Variants in SPOCK3 observed in about 807,000 individuals in gnomAD.
The protein encoded by SPOCK3 is testican-3.
In SPOCK3, 30 loss-of-function variants were observed where a neutral mutation model predicts 56.6. The ratio of observed to expected loss-of-function variants is 0.53; its 90% CI spans 0.40 to 0.72. SPOCK3 has a LOEUF of 0.72. SPOCK3 is among the 30% of genes least tolerant of loss of function. The pLI is 0.00. For synonymous variants in SPOCK3, 196 were observed against 183.3 expected (o/e 1.07, Z -0.56); for missense variants, 527 against 530.0 (o/e 0.99, Z 0.06).
intron 3 of SPOCK3, among the ~76,000 whole-genome samples, chr4:167,057,679 A>C (rs1360595662): frequency 6.6e-5 from 10 of 152,218 alleles, no homozygotes; most frequent in Non-Finnish European, 1.3e-4. Flanking sequence ...AAAGATCAAA[A>C]GAGACAAAGA....
chr4:167,205,350 T>TATAA (rs1561321538), intron 2 of SPOCK3, among the ~76,000 whole-genome samples: 1 of 42,546 alleles, frequency 2.4e-5, no homozygotes, highest in African/African-American at 1.1e-4. Context: ...ATTATATATA[T>TATAA]AATATATATA....
At chr4:166,983,447 C>A (rs533479622) in intron 4 of SPOCK3, among the ~76,000 whole-genome samples, 41 of 151,932 alleles carry the variant, frequency 2.7e-4, no homozygotes, top group Non-Finnish European at 5.4e-4. Flanking sequence ...CTTCTTGTTC[C>A]TTGACTTTTT....
intron 2 of SPOCK3, among the ~76,000 whole-genome samples, chr4:167,069,597 T>G (rs760157929): frequency 6.0e-5 from 9 of 150,570 alleles, no homozygotes; most frequent in Non-Finnish European, 1.3e-4. Context: ...ATGGTTAAGA[T>G]GAAATAAAAT....
At chr4:167,097,144 A>G (rs1284886601) in intron 2 of SPOCK3, among the ~76,000 whole-genome samples, 1 of 151,656 alleles carries the variant, frequency 6.6e-6, no homozygotes, top group Non-Finnish European at 1.5e-5. Flanking sequence ...TAACCTATCT[A>G]TATATTTATA....
chr4:166,822,488 C>T (rs965764006), intron 6 of SPOCK3, among the ~76,000 whole-genome samples: 2 of 151,914 alleles, frequency 1.3e-5, no homozygotes, highest in African/African-American at 4.8e-5. Context: ...ATAGATTCAC[C>T]CATAGAAGCA....
intron 2 of SPOCK3, among the ~76,000 whole-genome samples, chr4:167,222,909 A>C (rs1736139291): frequency 7.8e-6 from 1 of 128,358 alleles, no homozygotes; most frequent in South Asian, 2.3e-4. Flanking sequence ...ATATAAACAT[A>C]GATATGTTTA....
intron 7 of SPOCK3, among the ~76,000 whole-genome samples, chr4:166,778,107 G>C (rs561977767): frequency 6.6e-6 from 1 of 152,252 alleles, no homozygotes; most frequent in African/African-American, 2.4e-5. Flanking sequence ...TATTTTGTAA[G>C]AATTGTCAAG....
chr4:167,183,271 A>T (rs1731659252), intron 2 of SPOCK3, among the ~76,000 whole-genome samples: 1 of 152,214 alleles, frequency 6.6e-6, no homozygotes, highest in African/African-American at 2.4e-5. Context: ...CATTGTTTTA[A>T]GCCACTGAGT....
chr4:166,920,764 GA>G (rs1738390026), intron 4 of SPOCK3, among the ~76,000 whole-genome samples: 1 of 152,012 alleles, frequency 6.6e-6, no homozygotes, highest in African/African-American at 2.4e-5. Context: ...TTTGACTATT[GA>G]AAACACATTT....
intron 2 of SPOCK3, among the ~76,000 whole-genome samples, chr4:167,114,628 T>A (rs1032104083): frequency 6.6e-6 from 1 of 152,076 alleles, no homozygotes; most frequent in African/African-American, 2.4e-5. Flanking sequence ...GGAGATAAAG[T>A]GTGACAGACA....
chr4:166,762,430 A>G (rs1242425231), intron 7 of SPOCK3, among the ~76,000 whole-genome samples: 2 of 152,132 alleles, frequency 1.3e-5, no homozygotes, highest in Non-Finnish European at 2.9e-5. Flanking sequence ...AAACGGCCAT[A>G]TCATTCCAAA....
chr4:167,154,231 C>T (rs1190610048), intron 2 of SPOCK3, among the ~76,000 whole-genome samples: 1 of 151,926 alleles, frequency 6.6e-6, no homozygotes, highest in Non-Finnish European at 1.5e-5. Context: ...CACACACACA[C>T]ACAATGTTTA....
At chr4:166,968,765 C>T (rs1745036642) in intron 4 of SPOCK3, among the ~76,000 whole-genome samples, 1 of 152,226 alleles carries the variant, frequency 6.6e-6, no homozygotes, top group African/African-American at 2.4e-5. Context: ...ACACAAAGAG[C>T]TCCCACTGGG....
intron 2 of SPOCK3, among the ~76,000 whole-genome samples, chr4:167,178,424 A>G (rs1731167274): frequency 6.6e-6 from 1 of 152,182 alleles, no homozygotes; most frequent in Non-Finnish European, 1.5e-5. Context: ...AGTGAAAATC[A>G]CTAAGGCAAT....
In SPOCK3 at chr4:167,004,016, C is replaced by T. The variant is rs534797380; in HGVS notation, c.236-3553G>A. Among the ~76,000 whole-genome samples the T allele has an allele frequency of 2.6e-3, 394 of 152,248 alleles. 2 individuals carry two copies. Among genetic ancestry groups the T allele is most frequent in the African/African-American group, 8.9e-3 (371 of 41,534 alleles). ...CCTACCCTTGCTGCCTCAGGCATTCCCACCATTATGGGCTGGATGAGGCCT... is the reference window on the plus strand; with the variant it reads ...CCTACCCTTGCTGCCTCAGGCATTCTCACCATTATGGGCTGGATGAGGCCT... On this transcript the variant is annotated intron_variant, in intron 3 of 10. Coordinates refer to ENST00000357545, the MANE Select transcript of SPOCK3 (RefSeq NM_001040159.2).
At chr4:166,902,222 T>C (rs537778931) in intron 5 of SPOCK3, among the ~76,000 whole-genome samples, 2 of 152,284 alleles carry the variant, frequency 1.3e-5, no homozygotes, top group Non-Finnish European at 2.9e-5. Flanking sequence ...CTGAGATGCT[T>C]TTTGTTGGTA....
At chr4:167,160,292 T>C (rs1236526534) in intron 2 of SPOCK3, among the ~76,000 whole-genome samples, 1 of 152,118 alleles carries the variant, frequency 6.6e-6, no homozygotes, top group Non-Finnish European at 1.5e-5. Context: ...CCATTCACAA[T>C]TGCTTCAAAG....
At chr4:166,987,182 C>T (rs935305477) in intron 4 of SPOCK3, among the ~76,000 whole-genome samples, 1 of 152,130 alleles carries the variant, frequency 6.6e-6, no homozygotes, top group Non-Finnish European at 1.5e-5. Context: ...TCTTACTTCT[C>T]TTATGACCAC....
chr4:167,115,921 C>A (rs1207179827), intron 2 of SPOCK3, among the ~76,000 whole-genome samples: 1 of 151,948 alleles, frequency 6.6e-6, no homozygotes, highest in African/African-American at 2.4e-5. Context: ...CAAACTAAAA[C>A]AGAGAATTCA....
Sources: allele counts gnomAD v4.1 joint callset (sites outside exome capture counted in the v4.1 genomes callset), GRCh38; gene constraint gnomAD v4.1.1; transcripts MANE v1.5; gene names NCBI Gene and HGNC (gene_info 2026-07-23, HGNC 2026-07-21).